Variants in ASAP2 observed in about 807,000 individuals in gnomAD.
ASAP2 encodes the protein ArfGAP with SH3 domain, ankyrin repeat and PH domain 2.
A neutral mutation model predicts 131.4 loss-of-function variants in ASAP2; 45 were observed. The observed-to-expected ratio is 0.34, with a 90% CI of 0.27 to 0.44. The LOEUF (loss-of-function observed/expected upper bound fraction) is 0.44. Among genes scored for constraint, ASAP2 ranks in the 20% least tolerant of loss-of-function variants. The pLI is 1.00. For missense variants in ASAP2, 1,011 were observed against 1,297.0 expected, an observed-to-expected ratio of 0.78 and a Z score of 3.39; for synonymous variants, 510 against 503.0, an observed-to-expected ratio of 1.01 and a Z score of -0.19.
At position 9,369,290 on chromosome 2, in the gene ASAP2, A is replaced by T. The variant is rs1212342579; in HGVS notation, c.1556+771A>T. Among the ~76,000 whole-genome samples the T allele has an allele frequency of 2.6e-5, 4 of 152,162 alleles. No individual in the cohort carries two copies. In the East Asian group the frequency reaches 5.8e-4, roughly 22 times the overall value. ...CGCTGCAGCCTCCCAAAGTGCTGGG[A>T]TTACAGGCGTGAGGCACCGTGCCTG... On this transcript the variant is annotated intron_variant, in intron 16 of 27. Coordinates refer to ENST00000281419, the MANE Select transcript of ASAP2 (RefSeq NM_003887.3).
At chr2:9,338,237 T>C (rs1429800923) in intron 9 of ASAP2, among the ~76,000 whole-genome samples, 1 of 152,032 alleles carries the variant, frequency 6.6e-6, no homozygotes, top group African/African-American at 2.4e-5. Context: ...GTCTCACAGG[T>C]CTGAGTGCTG....
intron 6 of ASAP2, 111 bp from the exon 7 acceptor site, chr2:9,327,715 G>A (rs974272287): frequency 2.2e-5 from 16 of 720,436 alleles, no homozygotes; most frequent in Middle Eastern, 4.7e-4. Flanking sequence ...TGCACTCTAC[G>A]CATTGTAAAA....
At chr2:9,375,046 G>A (rs1057461730) in intron 17 of ASAP2, 102 bp downstream of exon 17, 3 of 1,032,640 alleles carry the variant, frequency 2.9e-6, no homozygotes, top group Non-Finnish European at 4.0e-6. Flanking sequence ...CAAGGCGGAG[G>A]ATCCTTTGAG....
intron 15 of ASAP2, among the ~76,000 whole-genome samples, chr2:9,367,705 T>G (rs1156400058): frequency 6.6e-6 from 1 of 152,110 alleles, no homozygotes; most frequent in East Asian, 1.9e-4. Flanking sequence ...AAGGTTGCAT[T>G]AAGCCATGAT....
chr2:9,214,719 G>C (rs899213876), intron 1 of ASAP2, among the ~76,000 whole-genome samples: 1 of 149,830 alleles, frequency 6.7e-6, no homozygotes, highest in Admixed American at 6.7e-5. Flanking sequence ...GGCCCCTACC[G>C]TATGTTGTCA....
intron 1 of ASAP2, among the ~76,000 whole-genome samples, chr2:9,228,096 A>G (rs558327998): frequency 2.2e-4 from 33 of 152,332 alleles, no homozygotes; most frequent in African/African-American, 7.2e-4. Context: ...ATGGGGGTGA[A>G]TCTTTTAATA....
chr2:9,254,878 A>G (rs562388774), intron 1 of ASAP2, among the ~76,000 whole-genome samples: 1 of 152,282 alleles, frequency 6.6e-6, no homozygotes, highest in Admixed American at 6.5e-5. Context: ...TAAAGCTTCT[A>G]TGAACATTTG....
At chr2:9,363,382 A>G (rs1436436446) in intron 15 of ASAP2, among the ~76,000 whole-genome samples, 1 of 152,160 alleles carries the variant, frequency 6.6e-6, no homozygotes, top group Non-Finnish European at 1.5e-5. Context: ...TGGTTGTATT[A>G]TAATAATTTA....
intron 2 of ASAP2, among the ~76,000 whole-genome samples, chr2:9,280,357 C>G (rs1365724353): frequency 3.3e-5 from 5 of 152,074 alleles, no homozygotes; most frequent in Non-Finnish European, 7.4e-5. Context: ...TGCTCCCCCC[C>G]ACCGCCCCCA....
intron 1 of ASAP2, among the ~76,000 whole-genome samples, chr2:9,255,962 A>AG (rs1665129040): frequency 6.6e-6 from 1 of 152,148 alleles, no homozygotes; most frequent in Non-Finnish European, 1.5e-5. Context: ...GTTTATAAGC[A>AG]GGTTATAAAC....
At chr2:9,298,666 A>G (rs1668299678) in intron 3 of ASAP2, among the ~76,000 whole-genome samples, 1 of 152,014 alleles carries the variant, frequency 6.6e-6, no homozygotes, top group African/African-American at 2.4e-5. Flanking sequence ...GAAAGAGTGG[A>G]GATTTTTTTT....
intron 1 of ASAP2, among the ~76,000 whole-genome samples, chr2:9,255,083 C>T (rs1263259800): frequency 6.6e-6 from 1 of 152,180 alleles, no homozygotes; most frequent in Non-Finnish European, 1.5e-5. Flanking sequence ...ACTTCCTCAT[C>T]GGTGCTTGGC....
intron 3 of ASAP2, among the ~76,000 whole-genome samples, chr2:9,310,100 A>T (rs1669204544): frequency 6.6e-6 from 1 of 152,202 alleles, no homozygotes; most frequent in African/African-American, 2.4e-5. Context: ...ACAACTGCCC[A>T]CCCTTAGACA....
At chr2:9,402,211 T>C (rs1299923297) in intron 27 of ASAP2, among the ~76,000 whole-genome samples, 1 of 152,206 alleles carries the variant, frequency 6.6e-6, no homozygotes, top group Non-Finnish European at 1.5e-5. Context: ...CCCACTAGTG[T>C]TTAAACTGCA....
Position 9,311,182 on chromosome 2 carries a change from A to C in ASAP2, c.346-7342A>C, listed in dbSNP as rs1401666993. ...TGAGGTGGGTAGGTTGCTTGAGCCC[A>C]GAAGTTTGAGACCAGCGTTGGCAAC... On this transcript the variant is annotated intron_variant, in intron 3 of 27. Transcript: ENST00000281419. This position sits in a 1 kb window ranked among gnomAD's most constrained non-coding sequence, Gnocchi z 5.2. Among the ~76,000 whole-genome samples, 3 of 152,028 alleles carry C rather than the reference A, an allele frequency of 2.0e-5. No individual in the cohort carries two copies. Among genetic ancestry groups the C allele is most frequent in the Non-Finnish European group, 4.4e-5 (3 of 68,006 alleles).
intron 2 of ASAP2, among the ~76,000 whole-genome samples, chr2:9,284,397 C>A (rs1667334899): frequency 6.6e-6 from 1 of 152,112 alleles, no homozygotes; most frequent in Non-Finnish European, 1.5e-5. Flanking sequence ...TAATTAGAAG[C>A]CCTTGAGGTG....
At chr2:9,321,371 G>A (rs767521467) in intron 5 of ASAP2, among the ~76,000 whole-genome samples, 1 of 152,114 alleles carries the variant, frequency 6.6e-6, no homozygotes, top group Non-Finnish European at 1.5e-5. Context: ...CATTGATGGT[G>A]TACATTCATT....
intron 24 of ASAP2, among the ~76,000 whole-genome samples, chr2:9,397,194 C>T (rs992201584): frequency 6.6e-6 from 1 of 152,170 alleles, no homozygotes; most frequent in African/African-American, 2.4e-5. Context: ...TTACGCTTTC[C>T]ATGCTGCTGT....
At chr2:9,319,430 C>T (rs542848902) in intron 4 of ASAP2, among the ~76,000 whole-genome samples, 4 of 152,356 alleles carry the variant, frequency 2.6e-5, no homozygotes, top group South Asian at 4.1e-4. Context: ...CAGACACATT[C>T]CCCATCGAGC....
Sources: allele counts gnomAD v4.1 joint callset (sites outside exome capture counted in the v4.1 genomes callset), GRCh38; gene constraint gnomAD v4.1.1; non-coding constraint Gnocchi (gnomAD v3.1); transcripts MANE v1.5; gene names NCBI Gene and HGNC (gene_info 2026-07-23, HGNC 2026-07-21).